CNGB3: variants seen among roughly 807,000 people sequenced by gnomAD.
CNGB3 encodes cyclic nucleotide gated channel subunit beta 3.
In CNGB3, 86 loss-of-function variants were observed where a neutral mutation model predicts 92.8. That is an observed-to-expected ratio of 0.93 (90% CI 0.78 to 1.11). CNGB3 has a LOEUF of 1.11. CNGB3 is among the 50% of genes least tolerant of loss of function. The pLI is 0.00. For missense variants in CNGB3, 1,026 were observed against 956.8 expected (o/e 1.07, Z -0.95); for synonymous variants, 333 against 332.7 (o/e 1.00, Z -0.01).
At chr8:86,703,923 C>T (rs568451107) in intron 3 of CNGB3, 3 of 152,146 alleles carry the variant, frequency 2.0e-5, no homozygotes, top group African/African-American at 7.2e-5. Flanking sequence ...GAATAAATAT[C>T]ATAAAAACTA....
In CNGB3 at chr8:86,575,804, T is replaced by C. The variant is rs369349856; in HGVS notation, c.2430A>G (p.Ter810=). 1.9e-6 allele frequency: 3 copies of C among 1,612,902 alleles called. No homozygotes were observed. In the African/African-American group the frequency reaches 4.0e-5, roughly 22 times the overall value. The change falls in exon 18 of 18, where the codon TAA becomes TAG. Residue 810 remains the stop codon, a stop_retained_variant. Coordinates refer to ENST00000320005, the MANE Select transcript of CNGB3 (RefSeq NM_019098.5). The part of the protein sequence containing the change: ...TIEVKEKAKQ[*] Reference sequence around the variant, plus strand: ...ATCACATCTAAAGATAATCAAACATTTATTGCTTAGCCTTTTCTTTGACTT... The same window carrying C: ...ATCACATCTAAAGATAATCAAACATCTATTGCTTAGCCTTTTCTTTGACTT...
At chr8:86,633,432 A>G (rs1184674372) in intron 10 of CNGB3, among the ~76,000 whole-genome samples, 1 of 152,160 alleles carries the variant, frequency 6.6e-6, no homozygotes, top group Non-Finnish European at 1.5e-5. Flanking sequence ...GTGGCTGGGT[A>G]TCTTTTTTCA....
intron 6 of CNGB3, chr8:86,658,970 C>T (rs559413920): frequency 8.2e-6 from 9 of 1,102,014 alleles, no homozygotes; most frequent in East Asian, 7.2e-5. Flanking sequence ...CATTGTCTTG[C>T]ACCTGGGCTT....
chr8:86,696,414 G>A (rs759740342), intron 3 of CNGB3, among the ~76,000 whole-genome samples: 7 of 152,254 alleles, frequency 4.6e-5, no homozygotes, highest in East Asian at 3.9e-4. Flanking sequence ...AAGAGCTTAC[G>A]TCTTTTGTCT....
Position 86,604,201 on chromosome 8 carries a change from C to G in CNGB3, c.1673G>C (p.Gly558Ala). The change falls in exon 15 of 18, where the codon GGC (glycine) becomes GCC (alanine). Residue 558 changes from glycine to alanine, a missense_variant. Coordinates refer to ENST00000320005, the MANE Select transcript of CNGB3 (RefSeq NM_019098.5). ...GDFVCKKGEI[G>A]KEMYIIKHGE... ...ATGCTTGATGATATACATTTCCTTG[C>G]CAATTTCTCCCTACATTTTAAATAT... The G allele has an allele frequency of 2.5e-6, 4 of 1,596,014 alleles. No homozygotes were observed. Among genetic ancestry groups the G allele is most frequent in the Non-Finnish European group, 3.4e-6 (4 of 1,163,800 alleles).
rs1371310644 is a variant in CNGB3 at position 86,644,687 on chromosome 8, C to A, written c.991-1G>T. Reference sequence around the variant, plus strand: ...GATTAAATTCAAAAAATGAAGTGTACTATATAGAAAAGCAAAAGAAATCCA... The same window carrying A: ...GATTAAATTCAAAAAATGAAGTGTAATATATAGAAAAGCAAAAGAAATCCA... On this transcript the variant is annotated splice_acceptor_variant, in intron 8 of 17. Coordinates refer to ENST00000320005, the MANE Select transcript of CNGB3 (RefSeq NM_019098.5). LOFTEE classifies it high-confidence loss of function. 1 of 1,554,620 alleles carries A rather than the reference C, an allele frequency of 6.4e-7. No individual in the cohort carries two copies. Among genetic ancestry groups the A allele is most frequent in the Admixed American group, 1.8e-5 (1 of 56,322 alleles).
chr8:86,741,343 G>A (rs950341256), intron 1 of CNGB3, among the ~76,000 whole-genome samples: 3 of 152,144 alleles, frequency 2.0e-5, no homozygotes, highest in Admixed American at 6.5e-5. Flanking sequence ...AAGAACAGAT[G>A]CAAATAATTG....
At chr8:86,586,049 A>G (rs969947866) in intron 15 of CNGB3, among the ~76,000 whole-genome samples, 9 of 152,224 alleles carry the variant, frequency 5.9e-5, no homozygotes, top group Non-Finnish European at 8.8e-5. Flanking sequence ...CCAAGATTGT[A>G]CAGATGATTG....
chr8:86,700,356 G>A (rs1824532634), intron 3 of CNGB3, among the ~76,000 whole-genome samples: 2 of 151,866 alleles, frequency 1.3e-5, no homozygotes, highest in Admixed American at 1.3e-4. Context: ...TTAAACGTAT[G>A]GAAATTTACC....
chr8:86,731,426 T>G (rs1362925976), intron 2 of CNGB3, among the ~76,000 whole-genome samples: 2 of 152,180 alleles, frequency 1.3e-5, no homozygotes. Flanking sequence ...GACTTTAGGA[T>G]ACATCATCAC....
intron 6 of CNGB3, chr8:86,660,506 G>A: frequency 1.9e-6 from 1 of 530,634 alleles, no homozygotes; most frequent in Non-Finnish European, 3.9e-6. Flanking sequence ...CCAGGTGGCA[G>A]CATGTCCAGA....
intron 13 of CNGB3, among the ~76,000 whole-genome samples, chr8:86,614,478 GT>G (rs1822577250): frequency 6.6e-6 from 1 of 152,102 alleles, no homozygotes. Context: ...GAGCACGAGT[GT>G]TACCCCTTCC....
rs1216217513 is a variant in CNGB3, at chr8:86,611,797, A to G, written c.1579-126T>C. The G allele has an allele frequency of 1.1e-5, 8 of 739,856 alleles. No homozygotes were observed. The Admixed American group carries it at 1.6e-4, about 15-fold the overall frequency. 45.8% of individuals were successfully genotyped at this position (739,856 alleles called of 1,614,324 possible). On this transcript the variant is annotated intron_variant, in intron 13 of 17. Transcript: ENST00000320005. ...CATTAGCATAAAAATATTAACTGCC[A>G]ATGGCTATGGACATGTCATGACTCA...
At position 86,575,880 on chromosome 8, in the gene CNGB3, A is replaced by G; in HGVS notation, c.2354T>C (p.Ile785Thr). The change falls in exon 18 of 18, where the codon ATT becomes ACT. Residue 785 changes from isoleucine (I) to threonine (T), a missense_variant. By Grantham distance (89) the Ile-to-Thr change is moderately conservative (BLOSUM62 -1). Coordinates refer to ENST00000320005, the MANE Select transcript of CNGB3 (RefSeq NM_019098.5). ...CTCAGCAGAAGGAGCCATGCTGATAATGAGTGATTGACGAGAAGTCCCTCT... is the reference window on the plus strand; with the variant it reads ...CTCAGCAGAAGGAGCCATGCTGATAGTGAGTGATTGACGAGAAGTCCCTCT... ...LPRGTSRQSL[I>T]ISMAPSAEGG... 6.2e-7 allele frequency: 1 copy of G among 1,613,272 alleles called. No individual in the cohort carries two copies. Among genetic ancestry groups the G allele is most frequent in the Non-Finnish European group, 8.5e-7 (1 of 1,179,828 alleles).
intron 13 of CNGB3, among the ~76,000 whole-genome samples, chr8:86,614,235 G>T (rs2362267): frequency 0.82 from 124,520 of 151,862 alleles, 51,451 homozygotes; most frequent in Middle Eastern, 0.89. Flanking sequence ...GGTGACCACC[G>T]CTCTATGGTA....
chr8:86,694,215 G>A (rs1477636233), intron 3 of CNGB3, among the ~76,000 whole-genome samples: 75 of 144,316 alleles, frequency 5.2e-4, no homozygotes, highest in Non-Finnish European at 6.9e-4. Flanking sequence ...GCGGCTGGCC[G>A]GGCGGGGGGC....
At chr8:86,582,129 A>T (rs1203348299) in intron 15 of CNGB3, among the ~76,000 whole-genome samples, 1 of 152,046 alleles carries the variant, frequency 6.6e-6, no homozygotes, top group African/African-American at 2.4e-5. Context: ...TAAAACTATG[A>T]TTAATATGTA....
At chr8:86,685,039 T>A (rs552929463) in intron 3 of CNGB3, among the ~76,000 whole-genome samples, 1 of 152,236 alleles carries the variant, frequency 6.6e-6, no homozygotes, top group East Asian at 1.9e-4. Context: ...ATTGTCAACA[T>A]CCTGGTTGTG....
chr8:86,601,738 A>G (rs1822307490), intron 15 of CNGB3, among the ~76,000 whole-genome samples: 3 of 152,292 alleles, frequency 2.0e-5, no homozygotes, highest in African/African-American at 7.2e-5. Context: ...GCCTGTGGGT[A>G]TCTGGAAAGA....
Sources: allele counts gnomAD v4.1 joint callset (sites outside exome capture counted in the v4.1 genomes callset), GRCh38; gene constraint gnomAD v4.1.1; transcripts MANE v1.5; gene names NCBI Gene and HGNC (gene_info 2026-07-23, HGNC 2026-07-21).